TMEM132D: variants seen among roughly 807,000 people sequenced by gnomAD.
The protein encoded by TMEM132D is mature OL transmembrane protein.
In TMEM132D, 21 loss-of-function variants were observed where a neutral mutation model predicts 62.3. The ratio of observed to expected loss-of-function variants is 0.34; its 90% CI spans 0.24 to 0.49. The LOEUF is 0.49. Among genes scored for constraint, TMEM132D ranks in the 20% least tolerant of loss-of-function variants. TMEM132D has a pLI of 0.99. For missense variants in TMEM132D, 1,346 were observed against 1,402.8 expected (o/e 0.96, Z 0.65); for synonymous variants, 621 against 575.6 (o/e 1.08, Z -1.13).
intron 3 of TMEM132D, among the ~76,000 whole-genome samples, chr12:129,507,174 C>T (rs1293514908): frequency 6.6e-6 from 1 of 151,898 alleles, no homozygotes; most frequent in East Asian, 1.9e-4. Flanking sequence ...CTTACTCCTA[C>T]AATAATGGCC....
At chr12:129,109,268 T>G (rs1024654658) in intron 5 of TMEM132D, among the ~76,000 whole-genome samples, 1 of 152,170 alleles carries the variant, frequency 6.6e-6, no homozygotes, top group Non-Finnish European at 1.5e-5. Context: ...TGTCCTGGGT[T>G]AACATTGTTC....
chr12:129,507,496 G>T (rs1566091606), intron 3 of TMEM132D, among the ~76,000 whole-genome samples: 1 of 152,144 alleles, frequency 6.6e-6, no homozygotes, highest in African/African-American at 2.4e-5. Flanking sequence ...TAAAGAAAGT[G>T]TTGCACATAA....
At chr12:129,383,006 G>A (rs1020149235) in intron 3 of TMEM132D, among the ~76,000 whole-genome samples, 1 of 152,072 alleles carries the variant, frequency 6.6e-6, no homozygotes, top group Non-Finnish European at 1.5e-5. Flanking sequence ...CAGGATCATT[G>A]GGTCGCTAGG....
At chr12:129,344,748 C>A (rs1213038882) in intron 3 of TMEM132D, among the ~76,000 whole-genome samples, 1 of 152,122 alleles carries the variant, frequency 6.6e-6, no homozygotes. Flanking sequence ...GTTTCACTGT[C>A]ATTTTCAGGA....
intron 5 of TMEM132D, among the ~76,000 whole-genome samples, chr12:129,139,904 CA>C (rs1188488096): frequency 1.3e-5 from 2 of 151,478 alleles, no homozygotes; most frequent in South Asian, 2.1e-4. Context: ...TTTGTAGAGA[CA>C]GTGTTTTACC....
At chr12:129,677,949 T>C (rs1880677851) in intron 2 of TMEM132D, among the ~76,000 whole-genome samples, 1 of 152,136 alleles carries the variant, frequency 6.6e-6, no homozygotes. Context: ...TTTCTGCAAA[T>C]TTTAATTAAA....
intron 5 of TMEM132D, chr12:129,113,155 A>G (rs10847773): frequency 0.69 from 104,437 of 152,092 alleles, 37,313 homozygotes; most frequent in Non-Finnish European, 0.79. Flanking sequence ...TCGAGAAAAC[A>G]GAACCCTCAT....
chr12:129,232,634 C>T (rs1879673189), intron 4 of TMEM132D, among the ~76,000 whole-genome samples: 1 of 152,290 alleles, frequency 6.6e-6, no homozygotes, highest in South Asian at 2.1e-4. Flanking sequence ...AGGTCCCCTG[C>T]TCACAATCAC....
intron 1 of TMEM132D, among the ~76,000 whole-genome samples, chr12:129,815,948 T>G (rs778052184): frequency 1.3e-5 from 2 of 152,216 alleles, no homozygotes; most frequent in East Asian, 3.9e-4. Flanking sequence ...AAACCTTTAA[T>G]TGGCAACTGC....
chr12:129,472,440 G>T (rs914550185), intron 3 of TMEM132D, among the ~76,000 whole-genome samples: 35 of 152,116 alleles, frequency 2.3e-4, no homozygotes, highest in African/African-American at 8.0e-4. Context: ...CGTTGGGTTG[G>T]GGGGACGGGG....
At chr12:129,883,694 G>T (rs539612985) in intron 1 of TMEM132D, among the ~76,000 whole-genome samples, 1 of 152,258 alleles carries the variant, frequency 6.6e-6, no homozygotes, top group African/African-American at 2.4e-5. Context: ...TTGGTGAAAA[G>T]ACAGAGACAC....
chr12:129,461,313 T>C (rs1161045738), intron 3 of TMEM132D, among the ~76,000 whole-genome samples: 1 of 152,066 alleles, frequency 6.6e-6, no homozygotes, highest in Non-Finnish European at 1.5e-5. Flanking sequence ...AGCCCAGGTA[T>C]ACAATTGTAC....
At chr12:129,166,244 C>T (rs544163233) in intron 5 of TMEM132D, among the ~76,000 whole-genome samples, 4 of 151,938 alleles carry the variant, frequency 2.6e-5, no homozygotes, top group East Asian at 3.9e-4. Flanking sequence ...AACTCTCATT[C>T]GACTGAGTGT....
chr12:129,858,527 G>C (rs1297935117), intron 1 of TMEM132D, among the ~76,000 whole-genome samples: 1 of 42,926 alleles, frequency 2.3e-5, no homozygotes, highest in Non-Finnish European at 4.6e-5. Flanking sequence ...AGGGGAACGG[G>C]ATGGGTGCCC....
chr12:129,560,709 C>T (rs578146812), intron 2 of TMEM132D, among the ~76,000 whole-genome samples: 1 of 152,152 alleles, frequency 6.6e-6, no homozygotes, highest in Non-Finnish European at 1.5e-5. Context: ...ACCTATAAAA[C>T]AAACAACAAA....
At chr12:129,702,551 TTA>T (rs1374796741) in intron 1 of TMEM132D, among the ~76,000 whole-genome samples, 1 of 152,200 alleles carries the variant, frequency 6.6e-6, no homozygotes. Flanking sequence ...TCTGGCTGCA[TTA>T]TCAAAGTCAC....
At chr12:129,181,506 C>T (rs1341224626) in intron 5 of TMEM132D, among the ~76,000 whole-genome samples, 1 of 152,190 alleles carries the variant, frequency 6.6e-6, no homozygotes, top group Non-Finnish European at 1.5e-5. Flanking sequence ...GTGGCTCCCC[C>T]AGTCCTCCTA....
intron 1 of TMEM132D, among the ~76,000 whole-genome samples, chr12:129,800,718 T>C (rs1181120322): frequency 6.6e-6 from 1 of 152,102 alleles, no homozygotes; most frequent in Non-Finnish European, 1.5e-5. Flanking sequence ...GGAGCCAAGA[T>C]GGCCGAATAG....
intron 3 of TMEM132D, among the ~76,000 whole-genome samples, chr12:129,515,006 A>G (rs1875630996): frequency 6.6e-6 from 1 of 152,246 alleles, no homozygotes; most frequent in African/African-American, 2.4e-5. Context: ...AAAGCCTGCT[A>G]GCATAAACTG....
Sources: gnomAD v4.1 joint callset for allele counts (sites outside exome capture counted in the v4.1 genomes callset) on GRCh38, gnomAD v4.1.1 for gene constraint, MANE v1.5 for transcripts, NCBI Gene and HGNC (gene_info 2026-07-23, HGNC 2026-07-21) for gene names.